The following ARHGAP12 variants were observed in gnomAD, a reference collection of about 807,000 sequenced individuals.
The protein encoded by ARHGAP12 is Rho GTPase activating protein 12, also known as rho GTPase-activating protein 12.
ARHGAP12 carries 64 observed loss-of-function variants against 108.6 expected under a neutral mutation model. The ratio of observed to expected loss-of-function variants is 0.59; its 90% CI spans 0.48 to 0.73. The LOEUF is 0.73. ARHGAP12 is among the 30% of genes least tolerant of loss of function. The pLI is 0.00. For synonymous variants in ARHGAP12, 312 were observed against 337.2 expected (o/e 0.93, Z 0.82); for missense variants, 940 against 1,005.9 (o/e 0.93, Z 0.89).
At chr10:31,809,442 T>C in intron 16 of ARHGAP12, 135 bp from the exon 17 acceptor site, 1 of 770,942 alleles carries the variant, frequency 1.3e-6, no homozygotes, top group Non-Finnish European at 2.2e-6. Flanking sequence ...TCTTTTTCTC[T>C]AAATGGCTTC....
intron 6 of ARHGAP12, among the ~76,000 whole-genome samples, chr10:31,845,869 C>CT (rs1283985415): frequency 8.5e-5 from 13 of 152,126 alleles, no homozygotes; most frequent in Admixed American, 8.5e-4. Flanking sequence ...TTTTGCAAAT[C>CT]TTTTAACAGG....
rs182198126 is a variant in ARHGAP12 at position 31,843,458 on chromosome 10, T to C, written c.1296+3A>G. The C allele has an allele frequency of 7.3e-4, 1,173 of 1,610,342 alleles. 3 individuals are homozygous for C. The African/African-American group carries it at 8.0e-3, about 11-fold the overall frequency. The stretch of plus-strand genomic sequence containing the variant: ...AACTTGCCAAAAATCTCAACAGTCC[T>C]ACCTTATCATTAGTGTCCAATACAA... On this transcript the variant is annotated splice_donor_region_variant and intron_variant, in intron 7 of 19. Transcript: ENST00000344936.
In ARHGAP12 at chr10:31,809,299, T is replaced by C. The variant is rs1834930661; in HGVS notation, c.2059A>G (p.Ile687Val). ...CCACTTACTCTGTATATCCCATCAA[T>C]ATCCAAACCTAAGAGACAATAATAA... ...IEHVEEHGLD[I>V]DGIYRVSGNL... is the part of the protein sequence containing the mutation. Residue 687 changes from isoleucine (I) to valine (V), a missense_variant, in exon 17 of 20, where the codon ATT (isoleucine) becomes GTT (valine). Physicochemically the swap from Ile to Val is conservative, Grantham distance 29. Transcript: ENST00000344936. 2 of 1,613,610 alleles carry C rather than the reference T, an allele frequency of 1.2e-6. No homozygotes were observed. The highest frequency in any genetic ancestry group is 1.7e-6 in the Non-Finnish European group (2 of 1,179,560).
At chr10:31,839,998 T>C (rs1443825189) in intron 7 of ARHGAP12, among the ~76,000 whole-genome samples, 2 of 152,096 alleles carry the variant, frequency 1.3e-5, no homozygotes, top group East Asian at 1.9e-4. Flanking sequence ...TGATGTTATA[T>C]CAGTTTGAAT....
intron 12 of ARHGAP12, 115 bp downstream of exon 12, chr10:31,820,272 A>C (rs1592251208): frequency 1.4e-6 from 1 of 700,652 alleles, no homozygotes; most frequent in Non-Finnish European, 2.2e-6. Context: ...TAACTTAATC[A>C]CCAACTTTGC....
intron 10 of ARHGAP12, among the ~76,000 whole-genome samples, chr10:31,831,348 G>A (rs547880882): frequency 6.6e-6 from 1 of 152,222 alleles, no homozygotes; most frequent in Non-Finnish European, 1.5e-5. Flanking sequence ...TATCTCTGGA[G>A]GAAAGCACTA....
At chr10:31,866,817 A>G (rs1564399601) in intron 3 of ARHGAP12, among the ~76,000 whole-genome samples, 2 of 152,056 alleles carry the variant, frequency 1.3e-5, no homozygotes, top group Non-Finnish European at 2.9e-5. Context: ...GGATTTCTCC[A>G]TGTTGGGTCA....
intron 1 of ARHGAP12, 95 bp downstream of exon 1, chr10:31,928,588 C>A (rs1401383937): frequency 1.3e-5 from 2 of 152,934 alleles, no homozygotes; most frequent in South Asian, 1.8e-4. Flanking sequence ...CCGACTCCAC[C>A]GCCCTCGGCG....
At chr10:31,823,829 G>A (rs946532561) in intron 11 of ARHGAP12, among the ~76,000 whole-genome samples, 1 of 152,130 alleles carries the variant, frequency 6.6e-6, no homozygotes, top group African/African-American at 2.4e-5. Flanking sequence ...TTCACTTGAG[G>A]TGACTGTTGG....
At chr10:31,841,188 T>C (rs980753273) in intron 7 of ARHGAP12, among the ~76,000 whole-genome samples, 2 of 152,124 alleles carry the variant, frequency 1.3e-5, no homozygotes, top group Middle Eastern at 3.2e-3. Flanking sequence ...TTTAGATATA[T>C]GCATATAAAT....
In ARHGAP12 at chr10:31,908,888, T is replaced by C; in HGVS notation, c.-33A>G. 1.3e-6 allele frequency: 2 copies of C among 1,529,512 alleles called. No homozygotes were observed. The highest frequency in any genetic ancestry group is 1.8e-6 in the Non-Finnish European group (2 of 1,139,598). The allele number at this position is 1,529,512 out of a possible 1,614,324, so 94.7% of individuals were successfully genotyped here. A position where few individuals can be genotyped will look rare whatever the true frequency, so the allele number is the denominator to read the frequency against. On this transcript the variant is annotated 5_prime_UTR_variant, in exon 3 of 20. Coordinates refer to ENST00000344936, the MANE Select transcript of ARHGAP12 (RefSeq NM_018287.7). ...TATTCACCTCTCAAAAAGGATGTTATACCACATTATGGCTTTATGGCTTGT... is the reference window on the plus strand; with the variant it reads ...TATTCACCTCTCAAAAAGGATGTTACACCACATTATGGCTTTATGGCTTGT...
At chr10:31,817,742 GA>G in intron 13 of ARHGAP12, 45 bp downstream of exon 13, 1 of 1,175,544 alleles carries the variant, frequency 8.5e-7, no homozygotes, top group Non-Finnish European at 1.2e-6. Flanking sequence ...AAAAAAAAAA[GA>G]AAAACAGCTC....
intron 3 of ARHGAP12, among the ~76,000 whole-genome samples, chr10:31,903,039 T>C (rs1490152303): frequency 6.6e-6 from 1 of 152,182 alleles, no homozygotes; most frequent in East Asian, 1.9e-4. Context: ...ACATCAGCTC[T>C]TCCCTGAGTC....
intron 7 of ARHGAP12, among the ~76,000 whole-genome samples, chr10:31,841,409 T>C (rs1836261325): frequency 6.6e-6 from 1 of 152,170 alleles, no homozygotes; most frequent in African/African-American, 2.4e-5. Context: ...GATGGGAAAG[T>C]GATAGGCATT....
intron 14 of ARHGAP12, 140 bp downstream of exon 14, chr10:31,814,119 C>T (rs1835115132): frequency 3.0e-6 from 2 of 674,436 alleles, no homozygotes; most frequent in African/African-American, 3.6e-5. Context: ...CGCTGACACA[C>T]TGAGACTGCA....
intron 3 of ARHGAP12, among the ~76,000 whole-genome samples, chr10:31,880,443 T>A (rs1837900589): frequency 6.6e-6 from 1 of 151,892 alleles, no homozygotes; most frequent in Non-Finnish European, 1.5e-5. Context: ...ACCCCATCTC[T>A]ATAGAAAAAC....
chr10:31,884,872 A>C (rs2132379986), intron 3 of ARHGAP12, among the ~76,000 whole-genome samples: 1 of 152,354 alleles, frequency 6.6e-6, no homozygotes, highest in East Asian at 1.9e-4. Flanking sequence ...GAGCTCAAAA[A>C]ACTCACCATG....
chr10:31,836,199 C>T (rs1836009005), intron 9 of ARHGAP12, among the ~76,000 whole-genome samples: 1 of 152,006 alleles, frequency 6.6e-6, no homozygotes, highest in South Asian at 2.1e-4. Flanking sequence ...CATATTAATA[C>T]CATAAGTGGA....
At chr10:31,853,330 T>C (rs953402479) in intron 5 of ARHGAP12, among the ~76,000 whole-genome samples, 1 of 152,194 alleles carries the variant, frequency 6.6e-6, no homozygotes, top group Non-Finnish European at 1.5e-5. Context: ...TAGGAATTAC[T>C]TCCTATGGCC....
Sources: gnomAD v4.1 joint callset for allele counts (sites outside exome capture counted in the v4.1 genomes callset) on GRCh38, gnomAD v4.1.1 for gene constraint, MANE v1.5 for transcripts, NCBI Gene and HGNC (gene_info 2026-07-23, HGNC 2026-07-21) for gene names.